TNFSF14: variants seen among roughly 807,000 people sequenced by gnomAD.
The protein encoded by TNFSF14 is TNF superfamily member 14.
In TNFSF14, 15 loss-of-function variants were observed where a neutral mutation model predicts 22.7. The observed-to-expected ratio is 0.66, with a 90% CI of 0.44 to 1.02. TNFSF14 has a LOEUF of 1.02. TNFSF14 is among the 50% of genes least tolerant of loss of function. TNFSF14 has a pLI of 0.00. For missense variants in TNFSF14, 287 were observed against 326.2 expected, an observed-to-expected ratio of 0.88 and a Z score of 0.93; for synonymous variants, 133 against 139.6, an observed-to-expected ratio of 0.95 and a Z score of 0.33.
At chr19:6,667,581 T>C in intron 1 of TNFSF14, 132 bp from the exon 2 acceptor site, 1 of 961,020 alleles carries the variant, frequency 1.0e-6, no homozygotes. Context: ...CAGGGCCACA[T>C]ACTCTCACTT....
At chr19:6,669,217 C>T (rs1289497580) in intron 1 of TNFSF14, among the ~76,000 whole-genome samples, 7 of 152,212 alleles carry the variant, frequency 4.6e-5, no homozygotes, top group Admixed American at 2.0e-4. Context: ...GGCGCAGTGG[C>T]TCACACCTGT....
In TNFSF14 at chr19:6,661,499, G is replaced by A. The variant is rs1028240422; in HGVS notation, c.*3427C>T. 2.4e-4 allele frequency: 36 copies of A among 152,192 alleles called. No individual in the cohort carries two copies. Among genetic ancestry groups the A allele is most frequent in the African/African-American group, 8.4e-4 (35 of 41,448 alleles). 9.4% of individuals were successfully genotyped at this position (152,192 alleles called of 1,614,324 possible). ...AATCTATCACAAGGTGATAGACGCG[G>A]GGGCTTTGGGTGCTATCAACCGGAC... On this transcript the variant is annotated 3_prime_UTR_variant, in exon 4 of 4. Transcript: ENST00000675206.
rs997380868 is a variant in TNFSF14, at chr19:6,661,325, A to G, written c.*3601T>C. ...TAGCGCTCAAAATTCTCTCCACCCC[A>G]AAGAAGGGGCTAGGTTTCTTTTTAT... On this transcript the variant is annotated 3_prime_UTR_variant, in exon 4 of 4. Coordinates refer to ENST00000675206, the MANE Select transcript of TNFSF14 (RefSeq NM_001376887.1). The G allele has an allele frequency of 6.6e-6, 1 of 152,394 alleles. No individual in the cohort carries two copies. Among genetic ancestry groups the G allele is most frequent in the African/African-American group, 2.4e-5 (1 of 41,462 alleles). The allele number at this position is 152,394 out of a possible 1,614,324, so 9.4% of individuals were successfully genotyped here.
Position 6,669,927 on chromosome 19 carries a change from C to G in TNFSF14, c.143G>C (p.Gly48Ala), listed in dbSNP as rs764038660. The stretch of plus-strand genomic sequence containing the variant: ...CCAGCCTTGGACGGCCAGCCCGGCC[C>G]CCATCAGCAACAGCAAGAGACCCAG... Reference protein sequence around the residue: ...VGLGLLLLLMGAGLAVQGWFL... With the variant: ...VGLGLLLLLMAAGLAVQGWFL... Residue 48 changes from glycine (G) to alanine (A), a missense_variant, in exon 1 of 4, where the codon GGG (glycine) becomes GCG (alanine). Transcript: ENST00000675206. 3.7e-6 allele frequency: 6 copies of G among 1,613,998 alleles called. No homozygotes were observed. Among genetic ancestry groups the G allele is most frequent in the Non-Finnish European group, 5.1e-6 (6 of 1,179,998 alleles).
At chr19:6,668,264 G>A (rs1917485529) in intron 1 of TNFSF14, among the ~76,000 whole-genome samples, 1 of 152,058 alleles carries the variant, frequency 6.6e-6, no homozygotes, top group Admixed American at 6.5e-5. Context: ...TCATGAAGCT[G>A]GGACAGGAGG....
chr19:6,670,530 A>C, upstream of TNFSF14: 1 of 163,504 alleles, frequency 6.1e-6, no homozygotes, highest in Non-Finnish European at 1.3e-5. Context: ...AAACAAGAAA[A>C]TAATACGTTG....
Position 6,667,468 on chromosome 19 carries a change from C to T in TNFSF14, c.220-19G>A. ...GTCCGTCCTGAAAATGCAGAAGGGG[C>T]CTGCGGTAAGAACCTGCAGCGGGGG... is the stretch of plus-strand genomic sequence containing the variant. On this transcript the variant is annotated intron_variant, in intron 1 of 3. Transcript: ENST00000675206. 6.4e-7 allele frequency: 1 copy of T among 1,571,994 alleles called. No homozygotes were observed. The highest frequency in any genetic ancestry group is 8.6e-7 in the Non-Finnish European group (1 of 1,166,576).
At chr19:6,670,397 A>C, upstream of TNFSF14, 10 of 615,214 alleles carry the variant, frequency 1.6e-5, no homozygotes, top group African/African-American at 1.9e-5. Flanking sequence ...GCCACCAAAT[A>C]TCGACTGAGG....
intron 3 of TNFSF14, among the ~76,000 whole-genome samples, chr19:6,665,793 G>A (rs1917407483): frequency 6.7e-6 from 1 of 148,792 alleles, no homozygotes; most frequent in Admixed American, 6.7e-5. Context: ...GCGTGTGTGT[G>A]TGTGTGTGTG....
At chr19:6,665,784 CGTGTGTGT>C (rs35598085) in intron 3 of TNFSF14, among the ~76,000 whole-genome samples, 199 of 140,662 alleles carry the variant, frequency 1.4e-3, no homozygotes, top group African/African-American at 4.0e-3. Context: ...TGCATGTGTG[CGTGTGTGT>C]GTGTGTGTGT....
chr19:6,667,602 AC>A (rs1177016401), intron 1 of TNFSF14, among the ~76,000 whole-genome samples, 153 bp from the exon 2 acceptor site: 1 of 151,232 alleles, frequency 6.6e-6, no homozygotes, highest in Non-Finnish European at 1.5e-5. Flanking sequence ...GCAGACACAC[AC>A]CCCCTGTCCA....
upstream of TNFSF14, chr19:6,670,260 T>G: frequency 2.8e-6 from 4 of 1,433,794 alleles, no homozygotes; most frequent in Non-Finnish European, 3.6e-6. Flanking sequence ...CCCCCGGTCT[T>G]GGCCCTGTCT....
intron 1 of TNFSF14, 99 bp from the exon 2 acceptor site, chr19:6,667,548 G>T: frequency 1.5e-6 from 2 of 1,332,620 alleles, no homozygotes; most frequent in South Asian, 2.9e-5. Flanking sequence ...CATAGCCACC[G>T]ACACCACCCT....
chr19:6,669,453 A>G (rs1194903453), intron 1 of TNFSF14, among the ~76,000 whole-genome samples: 1 of 152,222 alleles, frequency 6.6e-6, no homozygotes, highest in African/African-American at 2.4e-5. Flanking sequence ...ATTGCACTCC[A>G]GCCTGGGCAA....
intron 1 of TNFSF14, 36 bp from the exon 2 acceptor site, chr19:6,667,485 C>G (rs1199286535): frequency 1.9e-6 from 3 of 1,569,720 alleles, no homozygotes; most frequent in Non-Finnish European, 2.6e-6. Flanking sequence ...TAAGAACCTG[C>G]AGCGGGGGCC....
chr19:6,670,041 A>G lies in TNFSF14; in HGVS notation c.29T>C (p.Val10Ala), dbSNP rs779973921. 5 of 1,613,754 alleles carry G rather than the reference A, an allele frequency of 3.1e-6. No homozygotes were observed. The highest frequency in any genetic ancestry group is 2.2e-5 in the South Asian group (2 of 91,060). Reference protein sequence around the residue: MEESVVRPSVFVVDGQTDIP... With the variant: MEESVVRPSAFVVDGQTDIP... ...GTCGGTCTGTCCATCCACCACAAAC[A>G]CTGAGGGCCGTACGACACTCTCCTC... The change falls in exon 1 of 4, where the codon GTG becomes GCG. Residue 10 changes from valine (V) to alanine (A), a missense_variant. Physicochemically the swap from Val to Ala is moderately conservative, Grantham distance 64. Coordinates refer to ENST00000675206, the MANE Select transcript of TNFSF14 (RefSeq NM_001376887.1).
chr19:6,670,349 C>A, upstream of TNFSF14: 1 of 1,123,998 alleles, frequency 8.9e-7, no homozygotes, highest in East Asian at 3.3e-5. Context: ...AGTGGGGAGC[C>A]CCCAGCTTTC....
At chr19:6,667,355 G>A in intron 2 of TNFSF14, 58 bp downstream of exon 2, 1 of 1,501,140 alleles carries the variant, frequency 6.7e-7, no homozygotes, top group Non-Finnish European at 8.9e-7. Flanking sequence ...TGACCGAGGG[G>A]TGGGGGTGGC....
intron 1 of TNFSF14, among the ~76,000 whole-genome samples, chr19:6,668,431 C>T (rs1044654886): frequency 1.4e-5 from 2 of 146,172 alleles, no homozygotes; most frequent in Non-Finnish European, 3.0e-5. Flanking sequence ...CAAGGCCAGG[C>T]GTGGTGGCTC....
Sources: gnomAD v4.1 joint callset for allele counts (sites outside exome capture counted in the v4.1 genomes callset) on GRCh38, gnomAD v4.1.1 for gene constraint, MANE v1.5 for transcripts, NCBI Gene and HGNC (gene_info 2026-07-23, HGNC 2026-07-21) for gene names.